The following PREX1 variants were observed in gnomAD, a reference collection of about 807,000 sequenced individuals.
PREX1 encodes phosphatidylinositol-3,4,5-trisphosphate dependent Rac exchange factor 1, also known as phosphatidylinositol 3,4,5-trisphosphate-dependent Rac exchanger 1 protein.
Under a neutral mutation model 198.3 loss-of-function variants are expected in PREX1, and 41 were observed. The ratio of observed to expected loss-of-function variants is 0.21; its 90% CI spans 0.16 to 0.27. PREX1 has a LOEUF of 0.27. Ranked by LOEUF, PREX1 falls within the 10% of genes least tolerant of loss-of-function variation. PREX1 has a pLI of 1.00. For synonymous variants in PREX1, 843 were observed against 887.2 expected (o/e 0.95, Z 0.89); for missense variants, 1,620 against 2,200.7 (o/e 0.74, Z 5.28).
chr20:48,681,554 C>G (rs1450564339), intron 10 of PREX1, among the ~76,000 whole-genome samples: 3 of 152,012 alleles, frequency 2.0e-5, no homozygotes, highest in Non-Finnish European at 4.4e-5. Context: ...CCAGGTCTGC[C>G]TCAGGCTCAC....
intron 19 of PREX1, among the ~76,000 whole-genome samples, chr20:48,653,877 G>A (rs750208531): frequency 1.5e-4 from 23 of 152,250 alleles, no homozygotes; most frequent in Non-Finnish European, 2.8e-4. Context: ...TAGGCCGAAT[G>A]GCCAGAAGCC....
intron 22 of PREX1, 132 bp from the exon 23 acceptor site, chr20:48,651,187 C>T (rs1179260373): frequency 1.6e-5 from 21 of 1,296,506 alleles, no homozygotes; most frequent in South Asian, 1.6e-4. Flanking sequence ...CCATATTGCA[C>T]GGGAGTAAAC....
chr20:48,692,630 A>G, intron 8 of PREX1, 42 bp downstream of exon 8: 1 of 1,462,438 alleles, frequency 6.8e-7, no homozygotes, highest in South Asian at 1.1e-5. Flanking sequence ...GGGAGCAGGC[A>G]GGGCTCAGGC....
At chr20:48,859,235 A>T in the PREX1 span, among the ~76,000 whole-genome samples, 1 of 152,146 alleles carries the variant, frequency 6.6e-6, no homozygotes, top group Non-Finnish European at 1.5e-5. Context: ...TTATACATCT[A>T]TGTCAAACGG....
chr20:48,679,302 A>ACT lies in PREX1; in HGVS notation c.1589+57_1589+58insAG. The ACT allele has an allele frequency of 9.9e-6, 15 of 1,517,270 alleles. No homozygotes were observed. In the Middle Eastern group the frequency reaches 5.1e-4, roughly 52 times the overall value. The allele number at this position is 1,517,270 out of a possible 1,614,324, so 94.0% of individuals were successfully genotyped here. ...TCAGAGAGGTTAAGTTGCCAGCCCA[A>ACT]GGCCACACAGCTGAGAAGAGGTAGA... is the stretch of plus-strand genomic sequence containing the variant. On this transcript the variant is annotated intron_variant, in intron 13 of 39. Coordinates refer to ENST00000371941, the MANE Select transcript of PREX1 (RefSeq NM_020820.4).
chr20:48,809,735 G>A (rs1424680185), intron 1 of PREX1, among the ~76,000 whole-genome samples: 1 of 152,192 alleles, frequency 6.6e-6, no homozygotes, highest in Non-Finnish European at 1.5e-5. Context: ...TCAGGGTCCT[G>A]CAACCTAAGA....
intron 32 of PREX1, among the ~76,000 whole-genome samples, chr20:48,635,947 C>A (rs1248142061): frequency 1.3e-5 from 2 of 152,200 alleles, no homozygotes; most frequent in South Asian, 2.1e-4. Flanking sequence ...GCCAGGCAGG[C>A]GTCTTGTGCA....
chr20:48,714,033 T>C (rs961957610), intron 5 of PREX1, among the ~76,000 whole-genome samples: 26 of 152,326 alleles, frequency 1.7e-4, no homozygotes, highest in Non-Finnish European at 3.1e-4. Flanking sequence ...TGAATATCCA[T>C]GTGCAACAAA....
At chr20:48,741,621 A>T (rs961947992) in intron 3 of PREX1, among the ~76,000 whole-genome samples, 11 of 152,212 alleles carry the variant, frequency 7.2e-5, no homozygotes, top group Admixed American at 7.2e-4. Context: ...ACAGACAATA[A>T]GCAAAAAGGG....
intron 30 of PREX1, among the ~76,000 whole-genome samples, chr20:48,639,447 C>T (rs954444022): frequency 5.9e-5 from 9 of 152,246 alleles, no homozygotes; most frequent in African/African-American, 2.2e-4. Context: ...ACATCCAATG[C>T]TTTGGAAGCT....
At position 48,745,275 on chromosome 20, in the gene PREX1, C is replaced by G. The variant is rs2090102667; in HGVS notation, c.292-128G>C. Reference sequence around the variant, plus strand: ...AAAGAAGAACTCTCAAACACCGGAACTGGTTTACCACTAATAGAAATCTTT... The same window carrying G: ...AAAGAAGAACTCTCAAACACCGGAAGTGGTTTACCACTAATAGAAATCTTT... On this transcript the variant is annotated intron_variant, in intron 2 of 39. Transcript: ENST00000371941. 20 of 995,250 alleles carry G rather than the reference C, an allele frequency of 2.0e-5. 1 individual carries two copies. The East Asian group carries it at 5.0e-4, about 25-fold the overall frequency. The allele number at this position is 995,250 out of a possible 1,614,324, so 61.7% of individuals were successfully genotyped here.
At chr20:48,746,829 A>G (rs1280149578) in intron 2 of PREX1, among the ~76,000 whole-genome samples, 1 of 152,148 alleles carries the variant, frequency 6.6e-6, no homozygotes, top group Non-Finnish European at 1.5e-5. Flanking sequence ...TTTGTAAACT[A>G]TAACAAACAG....
intron 1 of PREX1, among the ~76,000 whole-genome samples, chr20:48,753,901 A>G (rs1213901240): frequency 1.3e-5 from 2 of 152,162 alleles, no homozygotes; most frequent in Non-Finnish European, 2.9e-5. Flanking sequence ...CGTCTCCGCT[A>G]TTGGCTGTGC....
At chr20:48,815,964 T>G (rs1207015741) in intron 1 of PREX1, among the ~76,000 whole-genome samples, 1 of 148,446 alleles carries the variant, frequency 6.7e-6, no homozygotes, top group Non-Finnish European at 1.5e-5. Context: ...GAGCCGAGAT[T>G]GCACCATTGC....
At chr20:48,810,212 T>C (rs2090428020) in intron 1 of PREX1, among the ~76,000 whole-genome samples, 1 of 152,106 alleles carries the variant, frequency 6.6e-6, no homozygotes, top group Non-Finnish European at 1.5e-5. Flanking sequence ...ATAACCCTCT[T>C]GGTCTTTCAG....
chr20:48,651,713 A>G, intron 21 of PREX1, 130 bp from the exon 22 acceptor site: 3 of 839,330 alleles, frequency 3.6e-6, no homozygotes, highest in Non-Finnish European at 5.4e-6. Flanking sequence ...GCAGGAGTAC[A>G]TTCCGCCAGA....
At chr20:48,776,669 A>G (rs898980170) in intron 1 of PREX1, among the ~76,000 whole-genome samples, 1 of 152,220 alleles carries the variant, frequency 6.6e-6, no homozygotes, top group Non-Finnish European at 1.5e-5. Context: ...CTTAGTGTCC[A>G]GTCACTGAGG....
chr20:48,670,364 C>T (rs2122980976), intron 14 of PREX1, among the ~76,000 whole-genome samples: 1 of 151,754 alleles, frequency 6.6e-6, no homozygotes, highest in Non-Finnish European at 1.5e-5. Flanking sequence ...GTAGTGGGAG[C>T]CCACGTGGCG....
chr20:48,777,849 T>G (rs112067117), intron 1 of PREX1, among the ~76,000 whole-genome samples: 2,516 of 152,240 alleles, frequency 0.017, 71 homozygotes, highest in African/African-American at 0.057. Flanking sequence ...GCTATCATCA[T>G]CATCAGCAGC....
Sources: gnomAD v4.1 joint callset for allele counts (sites outside exome capture counted in the v4.1 genomes callset) on GRCh38, gnomAD v4.1.1 for gene constraint, MANE v1.5 for transcripts, NCBI Gene and HGNC (gene_info 2026-07-23, HGNC 2026-07-21) for gene names.